Variants in MOCOS observed in about 807,000 individuals in gnomAD.
MOCOS encodes human molybdenum cofactor sulfurase.
MOCOS carries 86 observed loss-of-function variants against 83.6 expected under a neutral mutation model. That is an observed-to-expected ratio of 1.03 (90% CI 0.86 to 1.23). MOCOS has a LOEUF of 1.23. MOCOS is among the 50% of genes most tolerant of loss of function. The pLI is 0.00. For synonymous variants in MOCOS, 445 were observed against 434.7 expected (o/e 1.02, Z -0.29); for missense variants, 1,120 against 1,126.9 (o/e 0.99, Z 0.09).
At position 36,195,259 on chromosome 18, in the gene MOCOS, A is replaced by G. The variant is rs190203423; in HGVS notation, c.145A>G (p.Thr49Ala). 28 of 1,613,868 alleles carry G rather than the reference A, an allele frequency of 1.7e-5. No homozygotes were observed. The East Asian group carries it at 2.7e-4, about 15-fold the overall frequency. ...RAREFSRLAG[T>A]VYLDHAGATL... Reference sequence around the variant, plus strand: ...ATTTATTTTGTGTTTTCTTTCAGGAACTGTCTATCTTGACCATGCAGGTGC... The same window carrying G: ...ATTTATTTTGTGTTTTCTTTCAGGAGCTGTCTATCTTGACCATGCAGGTGC... The change falls in exon 2 of 15, where the codon ACT (threonine) becomes GCT (alanine). Residue 49 changes from threonine (T) to alanine (A), a missense_variant and splice_region_variant. Thr to Ala is a moderately conservative substitution (Grantham distance 58). Transcript: ENST00000261326.
chr18:36,240,793 G>C lies in MOCOS; in HGVS notation c.1961-8129G>C, dbSNP rs549480543. On this transcript the variant is annotated intron_variant, in intron 9 of 14. Transcript: ENST00000261326. ...GTGCTAGCAATCAGCGAGACTCCAT[G>C]GGGTAGGACCCTCCGAGCCAGGTGC... Among the ~76,000 whole-genome samples, 236 of 152,296 alleles carry C rather than the reference G, an allele frequency of 1.5e-3. 3 individuals are homozygous for C. Among genetic ancestry groups the C allele is most frequent in the African/African-American group, 4.6e-3 (193 of 41,568 alleles).
At chr18:36,265,620 T>C (rs1460995807) in intron 13 of MOCOS, among the ~76,000 whole-genome samples, 2 of 152,182 alleles carry the variant, frequency 1.3e-5, no homozygotes, top group East Asian at 3.8e-4. Flanking sequence ...ATGCTTTCTT[T>C]TTGATGTTTA....
At chr18:36,205,344 T>A in intron 6 of MOCOS, 68 bp downstream of exon 6, 1 of 1,474,064 alleles carries the variant, frequency 6.8e-7, no homozygotes, top group Non-Finnish European at 9.4e-7. Flanking sequence ...AGCAATGTAG[T>A]GTGACAAAGT....
chr18:36,216,546 T>G (rs945857352), intron 8 of MOCOS, among the ~76,000 whole-genome samples: 4 of 152,076 alleles, frequency 2.6e-5, no homozygotes, highest in African/African-American at 9.7e-5. Context: ...AAAAATGAAT[T>G]AGCGAATAAA....
At chr18:36,190,435 C>T (rs980659365) in intron 1 of MOCOS, among the ~76,000 whole-genome samples, 2 of 152,006 alleles carry the variant, frequency 1.3e-5, no homozygotes, top group Non-Finnish European at 2.9e-5. Flanking sequence ...GGTGCGTTCT[C>T]ACAAGATCCG....
rs79197164 is a variant in MOCOS at position 36,242,129 on chromosome 18, T to C, written c.1961-6793T>C. On this transcript the variant is annotated intron_variant, in intron 9 of 14. Transcript: ENST00000261326. ...CAAATTTCTACAGCAGCGTTGAATT[T>C]CTTTTCTGTAGCACAGACTGTGAAT... Among the ~76,000 whole-genome samples, 60 of 152,352 alleles carry C rather than the reference T, an allele frequency of 3.9e-4. 2 individuals carry two copies. In the East Asian group the frequency reaches 9.8e-3, roughly 25 times the overall value.
chr18:36,213,327 G>T (rs370788603), intron 6 of MOCOS, 39 bp from the exon 7 acceptor site: 1 of 1,509,806 alleles, frequency 6.6e-7, no homozygotes, highest in South Asian at 1.1e-5. Flanking sequence ...AAAACTGCAC[G>T]TTGGTAATGG....
intron 1 of MOCOS, among the ~76,000 whole-genome samples, chr18:36,190,717 C>G (rs1310660602): frequency 6.6e-6 from 1 of 151,996 alleles, no homozygotes; most frequent in Non-Finnish European, 1.5e-5. Flanking sequence ...CCACTTCACT[C>G]CAGTCTGGGC....
At chr18:36,195,865 G>A (rs181375299) in intron 2 of MOCOS, among the ~76,000 whole-genome samples, 3 of 152,182 alleles carry the variant, frequency 2.0e-5, no homozygotes, top group Non-Finnish European at 4.4e-5. Context: ...TGGACAAAAG[G>A]TGCCTGGTTC....
chr18:36,202,255 CTTTTA>C (rs1029258387), intron 4 of MOCOS, among the ~76,000 whole-genome samples: 8 of 151,868 alleles, frequency 5.3e-5, no homozygotes, highest in East Asian at 1.9e-4. Flanking sequence ...AAACAAAAAA[CTTTTA>C]TTTTAAGAAA....
intron 11 of MOCOS, among the ~76,000 whole-genome samples, chr18:36,255,935 C>T (rs1381450617): frequency 6.9e-6 from 1 of 144,354 alleles, no homozygotes; most frequent in Non-Finnish European, 1.5e-5. Flanking sequence ...TCTTATTGCT[C>T]AGACTGGAGT....
chr18:36,259,022 A>G (rs529827546), intron 12 of MOCOS, among the ~76,000 whole-genome samples: 80 of 110,420 alleles, frequency 7.2e-4, no homozygotes, highest in Admixed American at 1.5e-3. Flanking sequence ...ATCATACAGG[A>G]TGTGTTCTTT....
At chr18:36,253,892 C>T (rs1353649228) in intron 11 of MOCOS, among the ~76,000 whole-genome samples, 5 of 151,924 alleles carry the variant, frequency 3.3e-5, no homozygotes, top group Admixed American at 6.6e-5. Flanking sequence ...GATTCTAAGC[C>T]GAGAAGCTTC....
At chr18:36,243,417 T>TG in intron 9 of MOCOS, among the ~76,000 whole-genome samples, 1 of 152,366 alleles carries the variant, frequency 6.6e-6, no homozygotes, top group South Asian at 2.1e-4. Flanking sequence ...ATCACATTTA[T>TG]TGACTTGTGT....
intron 9 of MOCOS, among the ~76,000 whole-genome samples, chr18:36,240,495 C>T (rs903269346): frequency 2.7e-5 from 4 of 150,430 alleles, no homozygotes; most frequent in Non-Finnish European, 5.9e-5. Context: ...TGCCCGTTCT[C>T]AGATCTCCAG....
rs763082187 is a variant in MOCOS, at chr18:36,195,309, C to T, written c.195C>T (p.Leu65=). The change falls in exon 2 of 15, where the codon CTC becomes CTT. Residue 65 remains leucine (L), a synonymous_variant. Coordinates refer to ENST00000261326, the MANE Select transcript of MOCOS (RefSeq NM_017947.4). ...CCACCTTGTTCTCCCAGAGCCAGCTCGAAAGCTTCACTAGTGATCTCATGG... is the reference window on the plus strand; with the variant it reads ...CCACCTTGTTCTCCCAGAGCCAGCTTGAAAGCTTCACTAGTGATCTCATGG... The part of the protein sequence containing the change: ...AGATLFSQSQ[L]ESFTSDLMEN... The T allele has an allele frequency of 6.2e-6, 10 of 1,614,018 alleles. No individual in the cohort carries two copies. Among genetic ancestry groups the T allele is most frequent in the Middle Eastern group, 1.6e-4 (1 of 6,080 alleles).
intron 5 of MOCOS, among the ~76,000 whole-genome samples, chr18:36,204,857 G>T (rs1338667851): frequency 1.3e-5 from 2 of 151,930 alleles, no homozygotes; most frequent in African/African-American, 4.8e-5. Context: ...GTCAGGCATG[G>T]TGGTGAATGC....
intron 6 of MOCOS, among the ~76,000 whole-genome samples, chr18:36,211,953 GAGTT>G (rs2091457272): frequency 6.6e-6 from 1 of 152,188 alleles, no homozygotes; most frequent in Non-Finnish European, 1.5e-5. Flanking sequence ...TTGGAGCCTG[GAGTT>G]ACGCTGTCAG....
At position 36,213,351 on chromosome 18, in the gene MOCOS, A is replaced by G. The variant is rs2091462271; in HGVS notation, c.1219-15A>G. On this transcript the variant is annotated splice_polypyrimidine_tract_variant and intron_variant, in intron 6 of 14. Coordinates refer to ENST00000261326, the MANE Select transcript of MOCOS (RefSeq NM_017947.4). ...CGTTGGTAATGGCTCATTCCATGTT[A>G]CATTAAATCCGCAGGTGGACAAAAT... 1 of 1,602,558 alleles carries G rather than the reference A, an allele frequency of 6.2e-7. No individual in the cohort carries two copies. The highest frequency in any genetic ancestry group is 8.6e-7 in the Non-Finnish European group (1 of 1,169,544).
Sources: gnomAD v4.1 joint callset for allele counts (sites outside exome capture counted in the v4.1 genomes callset) on GRCh38, gnomAD v4.1.1 for gene constraint, MANE v1.5 for transcripts, NCBI Gene and HGNC (gene_info 2026-07-23, HGNC 2026-07-21) for gene names.